Variants in TUNAR observed in about 807,000 individuals in gnomAD.
TUNAR encodes the protein transmembrane neural differentiation associated intracellular calcium regulator.
intron 2 of TUNAR, among the ~76,000 whole-genome samples, chr14:95,884,096 C>T (rs1283620868): frequency 6.6e-6 from 1 of 152,128 alleles, no homozygotes; most frequent in Admixed American, 6.5e-5. Flanking sequence ...CCAAGCCAAT[C>T]GACTCTCTCT....
At chr14:95,907,572 G>A (rs1889446263) in intron 2 of TUNAR, among the ~76,000 whole-genome samples, 1 of 152,158 alleles carries the variant, frequency 6.6e-6, no homozygotes, top group African/African-American at 2.4e-5. Context: ...GGAAGAATGA[G>A]GTATGCAGAC....
At chr14:95,909,457 G>A (rs1022267935) in intron 2 of TUNAR, among the ~76,000 whole-genome samples, 2 of 151,914 alleles carry the variant, frequency 1.3e-5, no homozygotes, top group African/African-American at 4.8e-5. Flanking sequence ...CTAATTTTTT[G>A]TATTTTTAGT....
At chr14:95,913,846 C>A (rs1889558609) in intron 2 of TUNAR, among the ~76,000 whole-genome samples, 1 of 152,196 alleles carries the variant, frequency 6.6e-6, no homozygotes. Flanking sequence ...GATTCTCCTG[C>A]CTCAGCCTCC....
chr14:95,883,681 G>A (rs999522406), intron 2 of TUNAR, among the ~76,000 whole-genome samples: 1 of 152,024 alleles, frequency 6.6e-6, no homozygotes, highest in African/African-American at 2.4e-5. Flanking sequence ...GGAGGCAGGG[G>A]GCCTTCTCTC....
intron 2 of TUNAR, among the ~76,000 whole-genome samples, chr14:95,899,493 T>G (rs985329347): frequency 3.3e-5 from 5 of 152,232 alleles, no homozygotes; most frequent in Non-Finnish European, 7.3e-5. Flanking sequence ...GGTGTTTGAC[T>G]GCAGGCAGGC....
At chr14:95,877,902 T>C (rs1291034412) in intron 2 of TUNAR, among the ~76,000 whole-genome samples, 1 of 152,210 alleles carries the variant, frequency 6.6e-6, no homozygotes, top group Non-Finnish European at 1.5e-5. Flanking sequence ...TTTTCCTAGG[T>C]GTTCTCTTTC....
chr14:95,891,212 C>T (rs182690729), intron 2 of TUNAR, among the ~76,000 whole-genome samples: 2 of 152,226 alleles, frequency 1.3e-5, no homozygotes, highest in Non-Finnish European at 1.5e-5. Context: ...CATCCCCATT[C>T]GGAAGCTAGA....
chr14:95,912,628 C>T (rs1213190801), intron 2 of TUNAR, among the ~76,000 whole-genome samples: 6 of 152,176 alleles, frequency 3.9e-5, no homozygotes, highest in Non-Finnish European at 8.8e-5. Flanking sequence ...ACTAGCTTAT[C>T]CTTCCCTCTT....
chr14:95,904,222 TCACTGGCTC>T (rs2139664312), intron 2 of TUNAR, among the ~76,000 whole-genome samples: 1 of 152,302 alleles, frequency 6.6e-6, no homozygotes, highest in East Asian at 1.9e-4. Flanking sequence ...ACATAGGCCA[TCACTGGCTC>T]CTGTGGGGGG....
chr14:95,914,736 G>C (rs60882373), intron 2 of TUNAR, among the ~76,000 whole-genome samples: 16,718 of 152,162 alleles, frequency 0.11, 2,271 homozygotes, highest in African/African-American at 0.32. Context: ...AGGAGACTTA[G>C]AACTAATGTC....
chr14:95,904,783 AG>A (rs973768425), intron 2 of TUNAR, among the ~76,000 whole-genome samples: 9 of 152,304 alleles, frequency 5.9e-5, no homozygotes, highest in African/African-American at 2.2e-4. Context: ...CAGGAGGTGG[AG>A]GGGCTGCCCG....
At chr14:95,885,370 G>T (rs945076538) in intron 2 of TUNAR, among the ~76,000 whole-genome samples, 1 of 152,198 alleles carries the variant, frequency 6.6e-6, no homozygotes, top group African/African-American at 2.4e-5. Flanking sequence ...AGACAGTTGG[G>T]GAAAACGTGT....
At chr14:95,884,387 C>T (rs1889035394) in intron 2 of TUNAR, among the ~76,000 whole-genome samples, 1 of 152,160 alleles carries the variant, frequency 6.6e-6, no homozygotes, top group African/African-American at 2.4e-5. Flanking sequence ...AGCCACAGGA[C>T]CTGGGGACTG....
chr14:95,880,066 T>C (rs1477651081), intron 2 of TUNAR, among the ~76,000 whole-genome samples: 1 of 152,210 alleles, frequency 6.6e-6, no homozygotes, highest in African/African-American at 2.4e-5. Context: ...AGTTGTTCAT[T>C]GGCTTTGTGG....
chr14:95,901,106 C>G (rs1889346195), intron 2 of TUNAR, among the ~76,000 whole-genome samples: 1 of 152,116 alleles, frequency 6.6e-6, no homozygotes, highest in African/African-American at 2.4e-5. Context: ...AGAGACAGTC[C>G]AGGCAACAGC....
intron 2 of TUNAR, among the ~76,000 whole-genome samples, chr14:95,919,003 T>C (rs1889650503): frequency 6.6e-6 from 1 of 152,172 alleles, no homozygotes; most frequent in Non-Finnish European, 1.5e-5. Flanking sequence ...CTCCAAGGGC[T>C]TGCAGTCTTT....
At chr14:95,882,353 G>A (rs1027352418) in intron 2 of TUNAR, among the ~76,000 whole-genome samples, 3 of 152,284 alleles carry the variant, frequency 2.0e-5, no homozygotes, top group Middle Eastern at 3.4e-3. Flanking sequence ...AGAAGTTCAT[G>A]GCCTCTGATA....
chr14:95,886,895 C>T (rs1374060936), intron 2 of TUNAR, among the ~76,000 whole-genome samples: 3 of 152,152 alleles, frequency 2.0e-5, no homozygotes, highest in Admixed American at 6.5e-5. Flanking sequence ...CATCTGTCTT[C>T]CCTCTTGGAA....
chr14:95,913,644 G>A (rs78257296), intron 2 of TUNAR, among the ~76,000 whole-genome samples: 3,660 of 152,278 alleles, frequency 0.024, 136 homozygotes, highest in African/African-American at 0.082. Context: ...AGAGGCTGCA[G>A]AAAGTGCCAG....
Sources: allele counts gnomAD v4.1 joint callset (sites outside exome capture counted in the v4.1 genomes callset), GRCh38; gene constraint gnomAD v4.1.1; transcripts MANE v1.5; gene names NCBI Gene and HGNC (gene_info 2026-07-23, HGNC 2026-07-21).